The following SPDYE5 variants were observed in gnomAD, a reference collection of about 807,000 sequenced individuals.
SPDYE5 encodes speedy protein E5.
SPDYE5 carries 15 observed loss-of-function variants against 48.5 expected under a neutral mutation model. The ratio of observed to expected loss-of-function variants is 0.31; its 90% CI spans 0.21 to 0.48. The LOEUF (loss-of-function observed/expected upper bound fraction) is 0.48, where lower values mean the gene tolerates loss of function less well. Ranked by LOEUF, SPDYE5 falls within the 20% of genes least tolerant of loss-of-function variation. The probability of loss-of-function intolerance (pLI) is 0.99; values close to 1 mark genes in which losing one functional copy is unlikely to be tolerated. For synonymous variants in SPDYE5, 116 were observed against 200.7 expected (o/e 0.58, Z 3.57); for missense variants, 331 against 549.1 (o/e 0.60, Z 3.97).
chr7:75,501,484 G>A lies in SPDYE5; in HGVS notation c.878G>A (p.Arg293His), dbSNP rs781802179. 4.7e-6 allele frequency: 7 copies of A among 1,494,298 alleles called. No individual in the cohort carries two copies. Among genetic ancestry groups the A allele is most frequent in the Middle Eastern group, 2.2e-4 (1 of 4,504 alleles). The allele number at this position is 1,494,298 out of a possible 1,614,324, so 92.6% of individuals were successfully genotyped here. ...LLRKRWFQLG[R>H]SMNPRARKKR... ...CGTAAGCGTTGGTTCCAGTTAGGCC[G>A]TTCCATGAACCCGAGGGCCAGGAAG... is the stretch of plus-strand genomic sequence containing the variant. The change falls in exon 7 of 9, where the codon CGT becomes CAT. Residue 293 changes from arginine to histidine, a missense_variant. By Grantham distance (29) the Arg-to-His change is conservative (BLOSUM62 0). Coordinates refer to ENST00000625065, the MANE Select transcript of SPDYE5 (RefSeq NM_001306141.4).
intron 4 of SPDYE5, among the ~76,000 whole-genome samples, chr7:75,497,527 T>G (rs1554482765): frequency 6.7e-6 from 1 of 149,684 alleles, no homozygotes; most frequent in Non-Finnish European, 1.5e-5. Context: ...CCTCTGAAAC[T>G]TAATGTCTCT....
rs782599060 is a variant in SPDYE5 at position 75,501,551 on chromosome 7, G to T, written c.945G>T (p.Gln315His). 2.5e-5 allele frequency: 40 copies of T among 1,603,852 alleles called. No individual in the cohort carries two copies. In the East Asian group the frequency reaches 7.6e-4, roughly 31 times the overall value. The change falls in exon 7 of 9, where the codon CAG becomes CAT. Residue 315 changes from glutamine to histidine, a missense_variant. Coordinates refer to ENST00000625065, the MANE Select transcript of SPDYE5 (RefSeq NM_001306141.4). Reference protein sequence around the residue: ...RIPLLRKRRFQLGRSMNPRAR... With the variant: ...RIPLLRKRRFHLGRSMNPRAR... ...CCTTGCTCCGTAAGCGTCGGTTCCAGTTAGGCCGTTCCATGAACCCGAGGG... is the reference window on the plus strand; with the variant it reads ...CCTTGCTCCGTAAGCGTCGGTTCCATTTAGGCCGTTCCATGAACCCGAGGG...
At chr7:75,498,906 A>G (rs1261101894) in intron 5 of SPDYE5, among the ~76,000 whole-genome samples, 1 of 151,310 alleles carries the variant, frequency 6.6e-6, no homozygotes, top group Non-Finnish European at 1.5e-5. Flanking sequence ...TGGCCCCTCT[A>G]CTCTCAGCTC....
intron 3 of SPDYE5, among the ~76,000 whole-genome samples, 194 bp downstream of exon 3, chr7:75,495,568 G>A (rs1372190455): frequency 1.3e-5 from 2 of 152,244 alleles, no homozygotes; most frequent in Non-Finnish European, 2.9e-5. Flanking sequence ...GATAAAGGTT[G>A]GCGCTTGGGA....
At chr7:75,492,288 C>T (rs1792764198), upstream of SPDYE5, among the ~76,000 whole-genome samples, 1 of 152,098 alleles carries the variant, frequency 6.6e-6, no homozygotes, top group African/African-American at 2.4e-5. Flanking sequence ...ATCATGAATG[C>T]GAATTTGAAC....
In SPDYE5 at chr7:75,504,059, A is replaced by G. The variant is rs1406150789; in HGVS notation, c.*1272A>G. On this transcript the variant is annotated 3_prime_UTR_variant, in exon 9 of 9. Transcript: ENST00000625065. Reference sequence around the variant, plus strand: ...TATCTGTGATACTTAGTTAACATATATATTACATTTATAGCTATGTAGTAG... The same window carrying G: ...TATCTGTGATACTTAGTTAACATATGTATTACATTTATAGCTATGTAGTAG... The G allele has an allele frequency of 6.6e-6, 1 of 152,082 alleles. No individual in the cohort carries two copies. Among genetic ancestry groups the G allele is most frequent in the Non-Finnish European group, 1.5e-5 (1 of 68,006 alleles). 9.4% of individuals were successfully genotyped at this position (152,082 alleles called of 1,614,324 possible).
chr7:75,493,297 T>C (rs1381030340), intron 1 of SPDYE5, among the ~76,000 whole-genome samples: 3 of 151,804 alleles, frequency 2.0e-5, no homozygotes, highest in Admixed American at 1.3e-4. Flanking sequence ...ATTGGAAATA[T>C]GTGTGAGCTC....
chr7:75,494,309 G>A (rs1284569034), intron 2 of SPDYE5, 102 bp downstream of exon 2: 5 of 1,468,408 alleles, frequency 3.4e-6, no homozygotes, highest in Non-Finnish European at 4.5e-6. Flanking sequence ...ACTTTGGGAG[G>A]CCGAGGCGGG....
At chr7:75,496,012 T>C (rs1554482469) in intron 3 of SPDYE5, among the ~76,000 whole-genome samples, 3 of 121,444 alleles carry the variant, frequency 2.5e-5, no homozygotes, top group Non-Finnish European at 3.4e-5. Context: ...TGAGACGCTG[T>C]GTCAAAAAAA....
intron 4 of SPDYE5, among the ~76,000 whole-genome samples, chr7:75,497,614 G>A (rs1792980961): frequency 7.0e-6 from 1 of 143,152 alleles, no homozygotes; most frequent in Admixed American, 6.9e-5. Context: ...TGATGTGACT[G>A]TCTCATGAGG....
In SPDYE5 at chr7:75,502,917, C is replaced by A. The variant is rs1320432180; in HGVS notation, c.*130C>A. 1.4e-5 allele frequency: 13 copies of A among 906,244 alleles called. No individual in the cohort carries two copies. The highest frequency in any genetic ancestry group is 2.0e-5 in the Non-Finnish European group (13 of 640,136). The allele number at this position is 906,244 out of a possible 1,614,324, so 56.1% of individuals were successfully genotyped here. On this transcript the variant is annotated 3_prime_UTR_variant, in exon 9 of 9. Transcript: ENST00000625065. The stretch of plus-strand genomic sequence containing the variant: ...CAGACACCAGGAAGGAGGAGAGGAA[C>A]CATTTGTGCAGATCATCTAGAAGAA...
chr7:75,492,794 T>C (rs1792783770), intron 1 of SPDYE5, among the ~76,000 whole-genome samples: 1 of 148,532 alleles, frequency 6.7e-6, no homozygotes, highest in South Asian at 2.1e-4. Flanking sequence ...CTTTTATTTT[T>C]TATCAAAAAA....
chr7:75,494,342 T>A (rs587642366), intron 2 of SPDYE5, 135 bp downstream of exon 2: 3 of 1,320,236 alleles, frequency 2.3e-6, no homozygotes, highest in Non-Finnish European at 3.0e-6. Context: ...GGTCAGGAGT[T>A]CAAGGCCAGC....
At chr7:75,500,462 G>A (rs1473641300) in intron 6 of SPDYE5, among the ~76,000 whole-genome samples, 10 of 151,054 alleles carry the variant, frequency 6.6e-5, no homozygotes, top group Non-Finnish European at 1.3e-4. Flanking sequence ...TAGGTCATCT[G>A]CCTTGATTAC....
chr7:75,495,518 G>A, intron 3 of SPDYE5, 144 bp downstream of exon 3: 1 of 1,522,308 alleles, frequency 6.6e-7, no homozygotes, highest in Non-Finnish European at 8.8e-7. Context: ...GATCACTCAT[G>A]AGGGACACTT....
rs201147523 is a variant in SPDYE5 at position 75,501,616 on chromosome 7, G to A, written c.1010G>A (p.Arg337His). ...TCTCGCATACCCTTGCTCCGTAAGCGTCGGTTCCAGTTAGGCCGTTCCATG... is the reference window on the plus strand; with the variant it reads ...TCTCGCATACCCTTGCTCCGTAAGCATCGGTTCCAGTTAGGCCGTTCCATG... ...NRSRIPLLRK[R>H]RFQLGRSMNL... Residue 337 changes from arginine to histidine, a missense_variant, in exon 7 of 9, where the codon CGT becomes CAT. Coordinates refer to ENST00000625065, the MANE Select transcript of SPDYE5 (RefSeq NM_001306141.4). 14 of 1,611,034 alleles carry A rather than the reference G, an allele frequency of 8.7e-6. No homozygotes were observed. The highest frequency in any genetic ancestry group is 4.5e-5 in the East Asian group (2 of 44,852).
chr7:75,492,604 A>AT (rs1792776463), intron 1 of SPDYE5, among the ~76,000 whole-genome samples, 163 bp downstream of exon 1: 1 of 151,508 alleles, frequency 6.6e-6, no homozygotes, highest in Non-Finnish European at 1.5e-5. Context: ...TGCCTGGCTA[A>AT]TTTTTTGTAT....
In SPDYE5 at chr7:75,493,909, G is replaced by A. The variant is rs1405177674; in HGVS notation, c.-139G>A. On this transcript the variant is annotated 5_prime_UTR_variant, in exon 2 of 9. The change creates a premature stop within an existing upstream ORF in the 5' untranslated region. Coordinates refer to ENST00000625065, the MANE Select transcript of SPDYE5 (RefSeq NM_001306141.4). ...TCAGAGATTCCGACCATCCTGATTG[G>A]AGGGACCGGACTCCGTGGTGCCTGG... 1 of 1,474,442 alleles carries A rather than the reference G, an allele frequency of 6.8e-7. No individual in the cohort carries two copies. The highest frequency in any genetic ancestry group is 9.0e-7 in the Non-Finnish European group (1 of 1,116,062). 91.3% of individuals were successfully genotyped at this position (1,474,442 alleles called of 1,614,324 possible). A position where few individuals can be genotyped will look rare whatever the true frequency, so the allele number is the denominator to read the frequency against.
At position 75,501,710 on chromosome 7, in the gene SPDYE5, T is replaced by G. The variant is rs1432467559; in HGVS notation, c.1104T>G (p.Cys368Trp). 3 of 1,613,236 alleles carry G rather than the reference T, an allele frequency of 1.9e-6. No individual in the cohort carries two copies. In the African/African-American group the frequency reaches 4.0e-5, roughly 22 times the overall value. The stretch of plus-strand genomic sequence containing the variant: ...AGAAACGTCGGTTCCAGTTCTTCTG[T>G]TCCATGAGCGGCAGGGCTTGGGTTT... The part of the protein sequence containing the change: ...LFQKRRFQFF[C>W]SMSGRAWVSP... Residue 368 changes from cysteine to tryptophan, a missense_variant, in exon 7 of 9, where the codon TGT becomes TGG. By Grantham distance (215) the Cys-to-Trp change is radical (BLOSUM62 -2). Coordinates refer to ENST00000625065, the MANE Select transcript of SPDYE5 (RefSeq NM_001306141.4).
Sources: gnomAD v4.1 joint callset for allele counts (sites outside exome capture counted in the v4.1 genomes callset) on GRCh38, gnomAD v4.1.1 for gene constraint, MANE v1.5 for transcripts, NCBI Gene and HGNC (gene_info 2026-07-23, HGNC 2026-07-21) for gene names.